CUL7: variants seen among roughly 807,000 people sequenced by gnomAD.
The protein encoded by CUL7 is cullin-7.
Under a neutral mutation model 177.7 loss-of-function variants are expected in CUL7, and 96 were observed. That is an observed-to-expected ratio of 0.54 (90% confidence interval 0.46 to 0.64). CUL7 has a LOEUF of 0.64. Ranked by LOEUF, CUL7 falls within the 30% of genes least tolerant of loss-of-function variation. The pLI is 0.00. For missense variants in CUL7, 1,893 were observed against 2,187.9 expected (o/e 0.87, Z 2.69); for synonymous variants, 824 against 890.2 (o/e 0.93, Z 1.32).
rs764356882 is a variant in CUL7, at chr6:43,046,657, C to T, written c.2398-56G>A. 8.7e-6 allele frequency: 14 copies of T among 1,605,972 alleles called. No individual in the cohort carries two copies. The South Asian group carries it at 1.2e-4, about 14-fold the overall frequency. ...CAGGGGCAGAAGGAACACGGAGACA[C>T]ACACGGAAACACGGATGAAGGAGAG... On this transcript the variant is annotated intron_variant, in intron 10 of 25. Transcript: ENST00000265348.
At position 43,044,752 on chromosome 6, in the gene CUL7, C is replaced by G; in HGVS notation, c.3172G>C (p.Asp1058His). Reference sequence around the variant, plus strand: ...TGGGTCCAGATGTCAGGATGGTTACCAGGGGAGGTGATGTTCTGCACCACG... The same window carrying G: ...TGGGTCCAGATGTCAGGATGGTTACGAGGGGAGGTGATGTTCTGCACCACG... The part of the protein sequence containing the change: ...SPVVQNITSP[D>H]EDGISPLGWL... The change falls in exon 16 of 26, where the codon GAT (aspartate) becomes CAT (histidine). Residue 1058 changes from aspartate to histidine, a missense_variant and splice_region_variant. Transcript: ENST00000265348. 2 of 1,608,672 alleles carry G rather than the reference C, an allele frequency of 1.2e-6. No homozygotes were observed. The highest frequency in any genetic ancestry group is 1.7e-6 in the Non-Finnish European group (2 of 1,175,626).
In CUL7 at chr6:43,044,469, A is replaced by G. The variant is rs548297745; in HGVS notation, c.3172+283T>C. 1.9e-3 allele frequency among the ~76,000 whole-genome samples: 285 copies of G among 151,890 alleles called. 1 individual carries two copies. The Middle Eastern group carries it at 0.02, about 11-fold the overall frequency. On this transcript the variant is annotated intron_variant, in intron 16 of 25. Coordinates refer to ENST00000265348, the MANE Select transcript of CUL7 (RefSeq NM_014780.5). ...AGCCAAGATCATGCCATTGCACTCC[A>G]GCGTGGGTAACGAGCGAAAATCTGT...
rs761491048 is a variant in CUL7, at chr6:43,043,051, C to T, written c.3462+23G>A. ...GCCACCATTATGGTGTCCCCTCTCT[C>T]CCGCAGGCCTGCTCCTGCCCACCTG... On this transcript the variant is annotated intron_variant, in intron 18 of 25. Coordinates refer to ENST00000265348, the MANE Select transcript of CUL7 (RefSeq NM_014780.5). The surrounding 1 kb of genome is among the most constrained non-coding windows in gnomAD (Gnocchi z 4.2). 6.2e-7 allele frequency: 1 copy of T among 1,613,234 alleles called. No homozygotes were observed. Among genetic ancestry groups the T allele is most frequent in the Admixed American group, 1.7e-5 (1 of 60,028 alleles).
Position 43,050,008 on chromosome 6 carries a change from G to T in CUL7, c.1524C>A (p.Asp508Glu). 6.2e-7 allele frequency: 1 copy of T among 1,614,184 alleles called. No individual in the cohort carries two copies. The highest frequency in any genetic ancestry group is 1.7e-5 in the Admixed American group (1 of 60,018). The change falls in exon 6 of 26, where the codon GAC becomes GAA. Residue 508 changes from aspartate (D) to glutamate (E), a missense_variant. This residue lies in a region of CUL7 where 653 missense variants were observed against 725.2 expected (regional missense o/e 0.90). Coordinates refer to ENST00000265348, the MANE Select transcript of CUL7 (RefSeq NM_014780.5). The surrounding 1 kb of genome is among the most constrained non-coding windows in gnomAD (Gnocchi z 4.1). ...GGAGGATCTGGAGAACCTCCTGATG[G>T]TCAGGTCCATCCAGCTTCTTGATGA... ...LFFIKKLDGPDHQEVLQILQE... is the reference protein window; with the variant it reads ...LFFIKKLDGPEHQEVLQILQE...
Position 43,052,694 on chromosome 6 carries a change from T to C in CUL7, c.95A>G (p.His32Arg), listed in dbSNP as rs1192545846. Residue 32 changes from histidine to arginine, a missense_variant, in exon 2 of 26, where the codon CAT becomes CGT. This residue lies in a region of CUL7 where 653 missense variants were observed against 725.2 expected (regional missense o/e 0.90). Coordinates refer to ENST00000265348, the MANE Select transcript of CUL7 (RefSeq NM_014780.5). This position sits in a 1 kb window ranked among gnomAD's most constrained non-coding sequence, Gnocchi z 4.5. The part of the protein sequence containing the change: ...PDELIRQRVG[H>R]DGHPEYQIRW... ...GATCTGGTACTCAGGATGCCCATCA[T>C]GGCCCACGCGCTGGCGGATCAGCTC... 2.5e-6 allele frequency: 4 copies of C among 1,614,008 alleles called. No homozygotes were observed. Among genetic ancestry groups the C allele is most frequent in the East Asian group, 2.2e-5 (1 of 44,884 alleles).
intron 6 of CUL7, 146 bp from the exon 7 acceptor site, chr6:43,049,808 T>G: frequency 3.7e-6 from 5 of 1,361,476 alleles, no homozygotes; most frequent in Non-Finnish European, 4.1e-6. Context: ...CCCAAACAGC[T>G]CACCCTCCCA....
In CUL7 at chr6:43,053,748, G is replaced by C. The variant is rs929617687; in HGVS notation, c.-135C>G. The C allele has an allele frequency of 1.3e-6, 2 of 1,494,662 alleles. No individual in the cohort carries two copies. The highest frequency in any genetic ancestry group is 2.2e-5 in the Admixed American group (1 of 46,126). The allele number at this position is 1,494,662 out of a possible 1,614,324, so 92.6% of individuals were successfully genotyped here. A position where few individuals can be genotyped will look rare whatever the true frequency, so the allele number is the denominator to read the frequency against. On this transcript the variant is annotated 5_prime_UTR_variant, in exon 1 of 26. Transcript: ENST00000265348. This position sits in a 1 kb window ranked among gnomAD's most constrained non-coding sequence, Gnocchi z 4.1. The stretch of plus-strand genomic sequence containing the variant: ...AGGGGGTCGAGACGGAGAGACGGGA[G>C]GGGGCGTGCCTCCGCGGAACAGAGC...
At position 43,040,578 on chromosome 6, in the gene CUL7, C is replaced by A. The variant is rs1173460807; in HGVS notation, c.3975G>T (p.Gln1325His). 14 of 1,614,228 alleles carry A rather than the reference C, an allele frequency of 8.7e-6. No homozygotes were observed. The highest frequency in any genetic ancestry group is 1.2e-5 in the Non-Finnish European group (14 of 1,180,040). Reference protein sequence around the residue: ...QRQFHVYQLQQLDQELLKLED... With the variant: ...QRQFHVYQLQHLDQELLKLED... ...CCAGCTTCAGGAGTTCCTGATCCAG[C>A]TGCTGGAGCTGGTAGACGTGGAACT... Residue 1325 changes from glutamine to histidine, a missense_variant, in exon 21 of 26, where the codon CAG (glutamine) becomes CAT (histidine). Transcript: ENST00000265348. This position sits in a 1 kb window ranked among gnomAD's most constrained non-coding sequence, Gnocchi z 4.2.
rs528085167 is a variant in CUL7 at position 43,049,662 on chromosome 6, T to C, written c.1570A>G (p.Ile524Val). The change falls in exon 7 of 26, where the codon ATT becomes GTT. Residue 524 changes from isoleucine to valine, a missense_variant and splice_region_variant. Coordinates refer to ENST00000265348, the MANE Select transcript of CUL7 (RefSeq NM_014780.5). ...QILQENLDGEILDDEILAELA... is the reference protein window; with the variant it reads ...QILQENLDGEVLDDEILAELA... Reference sequence around the variant, plus strand: ...TCAGCTAGGATCTCATCATCCAGAATCTGCCATCAAGGAGAAGCTCTCACT... The same window carrying C: ...TCAGCTAGGATCTCATCATCCAGAACCTGCCATCAAGGAGAAGCTCTCACT... 4 of 1,613,986 alleles carry C rather than the reference T, an allele frequency of 2.5e-6. No homozygotes were observed. The highest frequency in any genetic ancestry group is 2.7e-5 in the African/African-American group (2 of 75,014).
In CUL7 at chr6:43,046,008, G is replaced by C. The variant is rs1157781142; in HGVS notation, c.2744C>G (p.Ser915Cys). The C allele has an allele frequency of 4.3e-6, 7 of 1,614,020 alleles. No individual in the cohort carries two copies. The highest frequency in any genetic ancestry group is 2.2e-5 in the East Asian group (1 of 44,880). Residue 915 changes from serine (S) to cysteine (C), a missense_variant, in exon 13 of 26, where the codon TCT becomes TGT. Ser to Cys is a moderately radical substitution (Grantham distance 112). This residue lies in a region of CUL7 where 973 missense variants were observed against 1,140.9 expected (regional missense o/e 0.85). Coordinates refer to ENST00000265348, the MANE Select transcript of CUL7 (RefSeq NM_014780.5). Reference protein sequence around the residue: ...VVVCGGDSTSSLHTELNSVNV... With the variant: ...VVVCGGDSTSCLHTELNSVNV... ...TACCGAGTTGAGTTCCGTGTGAAGA[G>C]AGCTAGTGCTATCACCCCCGCACAC... is the stretch of plus-strand genomic sequence containing the variant.
At position 43,040,404 on chromosome 6, in the gene CUL7, T is replaced by C. The variant is rs770716698; in HGVS notation, c.4046A>G (p.Lys1349Arg). 1 of 1,612,916 alleles carries C rather than the reference T, an allele frequency of 6.2e-7. No homozygotes were observed. Among genetic ancestry groups the C allele is most frequent in the South Asian group, 1.1e-5 (1 of 91,090 alleles). The stretch of plus-strand genomic sequence containing the variant: ...CTCTTCCTTCTCGCTCTTGTGCTCC[T>C]TGCCACTGGCCCCAAGGCCCACCTG... Reference protein sequence around the residue: ...KIQVGLGASGKEHKSEKEEEA... With the variant: ...KIQVGLGASGREHKSEKEEEA... Residue 1349 changes from lysine (K) to arginine (R), a missense_variant, in exon 22 of 26, where the codon AAG (lysine) becomes AGG (arginine). By Grantham distance (26) the Lys-to-Arg change is conservative. Transcript: ENST00000265348. The surrounding 1 kb of genome is among the most constrained non-coding windows in gnomAD (Gnocchi z 4.2).
chr6:43,041,753 C>T (rs1424926899), intron 19 of CUL7, among the ~76,000 whole-genome samples: 2 of 151,478 alleles, frequency 1.3e-5, no homozygotes, highest in African/African-American at 2.4e-5. Flanking sequence ...TGCCTGTAAT[C>T]CCAACACTTT....
intron 19 of CUL7, among the ~76,000 whole-genome samples, chr6:43,041,695 A>G (rs1305316412): frequency 2.7e-5 from 4 of 147,994 alleles, no homozygotes; most frequent in Non-Finnish European, 6.0e-5. Context: ...GGGGAAGGGA[A>G]GGGAAGGGGA....
At position 43,045,244 on chromosome 6, in the gene CUL7, G is replaced by T. The variant is rs1274188700; in HGVS notation, c.3021C>A (p.Leu1007=). The change falls in exon 15 of 26, where the codon CTC becomes CTA. Residue 1007 remains leucine, a synonymous_variant. Transcript: ENST00000265348. The surrounding 1 kb of genome is among the most constrained non-coding windows in gnomAD (Gnocchi z 4.8). ...SQDMAEDRRS[L]LHLSSRLNGA... ...TCACACACCTAGAACTCAGGTGCAG[G>T]AGGCTCCTGCGGTCCTCTGCCATGT... 1 of 1,613,952 alleles carries T rather than the reference G, an allele frequency of 6.2e-7. No homozygotes were observed. Among genetic ancestry groups the T allele is most frequent in the East Asian group, 2.2e-5 (1 of 44,890 alleles).
Position 43,037,764 on chromosome 6 carries a change from T to C in CUL7, c.5021A>G (p.His1674Arg). The change falls in exon 26 of 26, where the codon CAT becomes CGT. Residue 1674 changes from histidine (H) to arginine (R), a missense_variant. His to Arg is a conservative substitution (Grantham distance 29). Coordinates refer to ENST00000265348, the MANE Select transcript of CUL7 (RefSeq NM_014780.5). ...ACCCCGGGAGCGAATCTGTAGGGTA[T>C]GGAAGGTGAGGGGTGGGTTGGGGCC... ...SSGPNPPLTF[H>R]TLQIRSRGVP... 6.3e-7 allele frequency: 1 copy of C among 1,587,920 alleles called. No individual in the cohort carries two copies. The highest frequency in any genetic ancestry group is 8.6e-7 in the Non-Finnish European group (1 of 1,167,198).
chr6:43,051,143 C>A lies in CUL7; in HGVS notation c.1058G>T (p.Arg353Met). 6.2e-7 allele frequency: 1 copy of A among 1,614,232 alleles called. No individual in the cohort carries two copies. The highest frequency in any genetic ancestry group is 8.5e-7 in the Non-Finnish European group (1 of 1,180,038). The change falls in exon 4 of 26, where the codon AGG (arginine) becomes ATG (methionine). Residue 353 changes from arginine (R) to methionine (M), a missense_variant. Physicochemically the swap from Arg to Met is moderately conservative, Grantham distance 91. Around this residue, in one of 5 missense-constraint regions of CUL7, gnomAD observed 653 missense variants for 725.2 expected, o/e 0.90. Coordinates refer to ENST00000265348, the MANE Select transcript of CUL7 (RefSeq NM_014780.5). The surrounding 1 kb of genome is among the most constrained non-coding windows in gnomAD (Gnocchi z 5.0). ...PAAQAQPSFRRSRRFRPRSEF... is the reference protein window; with the variant it reads ...PAAQAQPSFRMSRRFRPRSEF... ...AGAACGAGGGCGAAAACGTCTTGAC[C>A]TCCTGAAGGAGGGCTGAGCCTGGGC...
rs768116762 is a variant in CUL7 at position 43,046,361 on chromosome 6, C to T, written c.2535G>A (p.Glu845=). Residue 845 remains glutamate (E), a synonymous_variant, in exon 12 of 26, where the codon GAG becomes GAA. Transcript: ENST00000265348. ...TGGCCCGGTGCGGGTTGGAGGACAC[C>T]TCCACCTTCTCCCAGCACTTGTCCT... ...VKEDKCWEKV[E]VSSNPHRASK... is the part of the protein sequence containing the mutation. 5 of 1,614,184 alleles carry T rather than the reference C, an allele frequency of 3.1e-6. No homozygotes were observed. The highest frequency in any genetic ancestry group is 1.1e-5 in the South Asian group (1 of 91,082).
Position 43,043,274 on chromosome 6 carries a change from C to T in CUL7, c.3356-94G>A. 3 of 1,222,970 alleles carry T rather than the reference C, an allele frequency of 2.5e-6. No individual in the cohort carries two copies. Among genetic ancestry groups the T allele is most frequent in the Non-Finnish European group, 3.6e-6 (3 of 842,790 alleles). 75.8% of individuals were successfully genotyped at this position (1,222,970 alleles called of 1,614,324 possible). A position where few individuals can be genotyped will look rare whatever the true frequency, so the allele number is the denominator to read the frequency against. ...GGGGGTTCCCTGAGGCCTTTCCTGA[C>T]ATGCTGCCACCCAAAATGATGTTCA... On this transcript the variant is annotated intron_variant, in intron 17 of 25. Transcript: ENST00000265348. The surrounding 1 kb of genome is among the most constrained non-coding windows in gnomAD (Gnocchi z 4.2).
chr6:43,042,003 CAAAAAAAAAA>C (rs201127168), intron 19 of CUL7, among the ~76,000 whole-genome samples: 1 of 53,562 alleles, frequency 1.9e-5, no homozygotes, highest in Non-Finnish European at 4.3e-5. Flanking sequence ...GACTCCGTCT[CAAAAAAAAAA>C]AAAAAAAAAA....
Sources: gnomAD v4.1 joint callset for allele counts (sites outside exome capture counted in the v4.1 genomes callset) on GRCh38, gnomAD v4.1.1 for gene constraint, gnomAD v4.1.1 regional missense constraint, Gnocchi (gnomAD v3.1) non-coding constraint, MANE v1.5 for transcripts, NCBI Gene and HGNC (gene_info 2026-07-23, HGNC 2026-07-21) for gene names.